Variants in SPECC1L observed in about 807,000 individuals in gnomAD.
The protein encoded by SPECC1L is sperm antigen with calponin homology and coiled-coil domains 1 like, also known as cytospin-A.
A neutral mutation model predicts 116.8 loss-of-function variants in SPECC1L; 40 were observed. That is an observed-to-expected ratio of 0.34 (90% CI 0.27 to 0.45). SPECC1L has a LOEUF of 0.45. SPECC1L is among the 20% of genes least tolerant of loss of function. SPECC1L has a pLI of 1.00. For missense variants in SPECC1L, 1,110 were observed against 1,373.6 expected, an observed-to-expected ratio of 0.81 and a Z score of 3.03; for synonymous variants, 504 against 500.6, an observed-to-expected ratio of 1.01 and a Z score of -0.09.
chr22:24,302,111 A>C lies in SPECC1L; in HGVS notation c.-37-84A>C. 3.7e-6 allele frequency: 4 copies of C among 1,077,128 alleles called. No homozygotes were observed. The South Asian group carries it at 4.1e-5, about 11-fold the overall frequency. 66.7% of individuals were successfully genotyped at this position (1,077,128 alleles called of 1,614,324 possible). ...CATCTAGCTTTCAAACAGTTTTATC[A>C]CATGGTAAAATTCTTCGAAAACAAA... On this transcript the variant is annotated intron_variant, in intron 2 of 16. Coordinates refer to ENST00000314328, the MANE Select transcript of SPECC1L (RefSeq NM_015330.6).
At chr22:24,274,452 A>C (rs1289317744) in intron 1 of SPECC1L, among the ~76,000 whole-genome samples, 1 of 152,224 alleles carries the variant, frequency 6.6e-6, no homozygotes, top group Non-Finnish European at 1.5e-5. Context: ...AGCATCTTGA[A>C]ATGAAATTAA....
At chr22:24,406,767 G>A (rs926479019) in intron 14 of SPECC1L, among the ~76,000 whole-genome samples, 5 of 152,208 alleles carry the variant, frequency 3.3e-5, no homozygotes, top group South Asian at 2.1e-4. Flanking sequence ...CGTGGTGGCC[G>A]TGTGGAGGGG....
intron 2 of SPECC1L, among the ~76,000 whole-genome samples, chr22:24,288,090 C>T (rs5760311): frequency 0.079 from 12,051 of 152,148 alleles, 913 homozygotes; most frequent in African/African-American, 0.19. Context: ...TCTTTCAGCT[C>T]TGCCAGCTGC....
At chr22:24,340,035 T>TG (rs1324896132) in intron 10 of SPECC1L, among the ~76,000 whole-genome samples, 1 of 151,984 alleles carries the variant, frequency 6.6e-6, no homozygotes, top group Non-Finnish European at 1.5e-5. Context: ...TCCACCTGCC[T>TG]GGTCCTCCCA....
intron 11 of SPECC1L, among the ~76,000 whole-genome samples, chr22:24,354,920 G>A (rs944919800): frequency 2.0e-5 from 3 of 151,294 alleles, no homozygotes; most frequent in Admixed American, 1.3e-4. Flanking sequence ...ATAGTGCTGG[G>A]ATTACAGGCA....
chr22:24,390,867 C>CTTTTTTTTTTTTTTTTTTTTTTT (rs1556306072), intron 14 of SPECC1L, among the ~76,000 whole-genome samples: 5 of 47,606 alleles, frequency 1.1e-4, no homozygotes, highest in African/African-American at 1.6e-4. Flanking sequence ...TTTTTTTTTT[C>CTTTTTTTTTTTTTTTTTTTTTTT]TTTTCTTTTT....
intron 6 of SPECC1L, among the ~76,000 whole-genome samples, chr22:24,327,365 G>C (rs1378625113): frequency 6.9e-6 from 1 of 145,162 alleles, no homozygotes; most frequent in Non-Finnish European, 1.5e-5. Flanking sequence ...TTTTAGAAGA[G>C]AAGGTTCTAG....
intron 11 of SPECC1L, among the ~76,000 whole-genome samples, chr22:24,350,026 T>A (rs1331387432): frequency 6.6e-6 from 1 of 152,180 alleles, no homozygotes; most frequent in East Asian, 1.9e-4. Context: ...GCCTCTTCAC[T>A]TTCTTGCTCA....
intron 10 of SPECC1L, among the ~76,000 whole-genome samples, chr22:24,346,325 C>T (rs1245986880): frequency 6.6e-6 from 1 of 152,152 alleles, no homozygotes; most frequent in Non-Finnish European, 1.5e-5. Context: ...CTTCTGGCTG[C>T]CTGCATATGC....
chr22:24,321,637 T>A lies in SPECC1L; in HGVS notation c.657T>A (p.His219Gln), dbSNP rs201546728. Residue 219 changes from histidine (H) to glutamine (Q), a missense_variant, in exon 5 of 17, where the codon CAT becomes CAA. By Grantham distance (24) the His-to-Gln change is conservative. Around this residue, in one of 4 missense-constraint regions of SPECC1L, gnomAD observed 437 missense variants for 482.6 expected, o/e 0.91. Coordinates refer to ENST00000314328, the MANE Select transcript of SPECC1L (RefSeq NM_015330.6). ...CCCAGCTGGGCATTAATGAGGATCA[T>A]TCTGAGGGTGATGAAAAATCTGAGA... ...MRAQLGINED[H>Q]SEGDEKSEKE... 4 of 1,614,208 alleles carry A rather than the reference T, an allele frequency of 2.5e-6. No individual in the cohort carries two copies. Among genetic ancestry groups the A allele is most frequent in the Non-Finnish European group, 3.4e-6 (4 of 1,180,036 alleles).
intron 14 of SPECC1L, among the ~76,000 whole-genome samples, chr22:24,400,849 A>G (rs1267174006): frequency 6.6e-6 from 1 of 152,060 alleles, no homozygotes; most frequent in Non-Finnish European, 1.5e-5. Context: ...GGCTATTTGT[A>G]TATCTTTGGG....
intron 14 of SPECC1L, among the ~76,000 whole-genome samples, chr22:24,398,515 C>T (rs2042409465): frequency 6.6e-6 from 1 of 152,146 alleles, no homozygotes; most frequent in Non-Finnish European, 1.5e-5. Context: ...AAAGAATTTC[C>T]AAGGACTTAT....
At chr22:24,313,170 A>G in intron 3 of SPECC1L, 143 bp from the exon 4 acceptor site, 1 of 756,128 alleles carries the variant, frequency 1.3e-6, no homozygotes, top group Non-Finnish European at 2.3e-6. Context: ...GTAGGACAGT[A>G]TGGTGTGCTG....
intron 2 of SPECC1L, among the ~76,000 whole-genome samples, chr22:24,295,923 G>T (rs1372413304): frequency 6.6e-6 from 1 of 152,164 alleles, no homozygotes; most frequent in Non-Finnish European, 1.5e-5. Flanking sequence ...ACTCCAGACT[G>T]GGGGAGAAGA....
chr22:24,303,109 A>G (rs1389427790), intron 3 of SPECC1L, among the ~76,000 whole-genome samples: 1 of 152,060 alleles, frequency 6.6e-6, no homozygotes, highest in Non-Finnish European at 1.5e-5. Context: ...AGGTGTGCGT[A>G]TGCATGCACA....
chr22:24,356,172 A>G (rs2041529304), intron 11 of SPECC1L, among the ~76,000 whole-genome samples: 1 of 152,100 alleles, frequency 6.6e-6, no homozygotes, highest in Non-Finnish European at 1.5e-5. Context: ...TTTTATAAAT[A>G]TCAGTTAGAT....
At chr22:24,282,197 G>A (rs1316351145) in intron 2 of SPECC1L, among the ~76,000 whole-genome samples, 1 of 152,202 alleles carries the variant, frequency 6.6e-6, no homozygotes, top group Non-Finnish European at 1.5e-5. Flanking sequence ...AATTTCTCAA[G>A]CACTGATCTC....
At chr22:24,369,658 G>A (rs2041836797) in intron 14 of SPECC1L, among the ~76,000 whole-genome samples, 1 of 152,134 alleles carries the variant, frequency 6.6e-6, no homozygotes, top group African/African-American at 2.4e-5. Flanking sequence ...GATAAAAGAA[G>A]AAATGATGAG....
chr22:24,344,498 C>T (rs1048283310), intron 10 of SPECC1L, among the ~76,000 whole-genome samples: 3 of 151,650 alleles, frequency 2.0e-5, no homozygotes, highest in African/African-American at 7.3e-5. Context: ...TGAATGCTTT[C>T]CCACCAGGAT....
Sources: gnomAD v4.1 joint callset for allele counts (sites outside exome capture counted in the v4.1 genomes callset) on GRCh38, gnomAD v4.1.1 for gene constraint, gnomAD v4.1.1 regional missense constraint, MANE v1.5 for transcripts, NCBI Gene and HGNC (gene_info 2026-07-23, HGNC 2026-07-21) for gene names.